The following SLC25A21 variants were observed in gnomAD, a reference collection of about 807,000 sequenced individuals.
SLC25A21 encodes solute carrier family 25 member 21, also known as mitochondrial 2-oxodicarboxylate carrier.
Under a neutral mutation model 43.8 loss-of-function variants are expected in SLC25A21, and 47 were observed. That is an observed-to-expected ratio of 1.07 (90% CI 0.85 to 1.37). The LOEUF (loss-of-function observed/expected upper bound fraction) is 1.37, where lower values mean the gene tolerates loss of function less well. SLC25A21 is among the 40% of genes most tolerant of loss of function. The pLI is 0.00. For missense variants in SLC25A21, 352 were observed against 350.2 expected (o/e 1.00, Z -0.04); for synonymous variants, 131 against 121.3 (o/e 1.08, Z -0.52).
At chr14:36,848,029 G>A (rs1376774984) in intron 2 of SLC25A21, among the ~76,000 whole-genome samples, 3 of 152,144 alleles carry the variant, frequency 2.0e-5, no homozygotes, top group South Asian at 2.1e-4. Flanking sequence ...GGGAAACCCC[G>A]AATGGCGTGG....
At chr14:37,115,136 G>C (rs552049537) in intron 1 of SLC25A21, among the ~76,000 whole-genome samples, 1 of 152,242 alleles carries the variant, frequency 6.6e-6, no homozygotes, top group African/African-American at 2.4e-5. Context: ...TTGAGACCAA[G>C]TGTCCTAGAC....
intron 1 of SLC25A21, among the ~76,000 whole-genome samples, chr14:36,941,668 A>G (rs1180037): frequency 6.6e-6 from 1 of 151,832 alleles, no homozygotes; most frequent in Non-Finnish European, 1.5e-5. Flanking sequence ...ACTTTTGTTC[A>G]CAGAATAATT....
chr14:36,949,688 T>A (rs910221720), intron 1 of SLC25A21, among the ~76,000 whole-genome samples: 1 of 152,194 alleles, frequency 6.6e-6, no homozygotes, highest in Non-Finnish European at 1.5e-5. Flanking sequence ...TGCCATGATA[T>A]CAAGTTTAAG....
intron 1 of SLC25A21, among the ~76,000 whole-genome samples, chr14:36,974,908 G>C (rs537489409): frequency 6.6e-6 from 1 of 152,288 alleles, no homozygotes; most frequent in South Asian, 2.1e-4. Context: ...TGACATTTCA[G>C]CTAGGAAATG....
intron 1 of SLC25A21, among the ~76,000 whole-genome samples, chr14:36,965,366 A>G (rs546443491): frequency 2.0e-4 from 30 of 152,292 alleles, no homozygotes; most frequent in Admixed American, 1.0e-3. Context: ...TCTCTCAATC[A>G]TATCAGTGAA....
At chr14:36,734,480 C>T in intron 4 of SLC25A21, 27 bp downstream of exon 4, 1 of 1,582,152 alleles carries the variant, frequency 6.3e-7, no homozygotes, top group South Asian at 1.2e-5. Flanking sequence ...CCTACTTTTG[C>T]TTGGTGCGAA....
intron 1 of SLC25A21, among the ~76,000 whole-genome samples, chr14:37,013,326 T>C (rs1960773782): frequency 6.6e-6 from 1 of 152,140 alleles, no homozygotes; most frequent in African/African-American, 2.4e-5. Context: ...ATTTCCTTTA[T>C]TAATAGAACA....
chr14:37,172,064 A>T, intron 1 of SLC25A21: 1 of 542,794 alleles, frequency 1.8e-6, no homozygotes. Context: ...GCCGGCGCGG[A>T]CGCCGAGGCA....
intron 1 of SLC25A21, among the ~76,000 whole-genome samples, chr14:36,947,098 T>C (rs1274685060): frequency 1.3e-5 from 2 of 152,198 alleles, no homozygotes; most frequent in Non-Finnish European, 2.9e-5. Context: ...TCTAGCCTTT[T>C]GAAACAGCCC....
chr14:36,776,863 A>C (rs1886854813), intron 3 of SLC25A21, among the ~76,000 whole-genome samples: 2 of 152,136 alleles, frequency 1.3e-5, no homozygotes, highest in South Asian at 4.1e-4. Flanking sequence ...TGTCTCAGAG[A>C]ATTAGAGATA....
At chr14:36,849,616 G>T (rs974496699) in intron 2 of SLC25A21, among the ~76,000 whole-genome samples, 2 of 152,104 alleles carry the variant, frequency 1.3e-5, no homozygotes, top group African/African-American at 4.8e-5. Context: ...GACACAAAAT[G>T]CTTAGCTAAT....
intron 1 of SLC25A21, among the ~76,000 whole-genome samples, chr14:37,001,721 A>G (rs1380220664): frequency 1.3e-5 from 2 of 152,160 alleles, no homozygotes; most frequent in Non-Finnish European, 2.9e-5. Flanking sequence ...ACTCACAAAG[A>G]GCTGACTTGG....
In SLC25A21 at chr14:36,761,182, CAGA is replaced by C. The variant is rs535143295; in HGVS notation, c.204-26612_204-26610del. Among the ~76,000 whole-genome samples, 1,198 of 152,296 alleles carry C rather than the reference CAGA, an allele frequency of 7.9e-3. 17 individuals are homozygous for C. Among genetic ancestry groups the C allele is most frequent in the African/African-American group, 0.027 (1,117 of 41,574 alleles). On this transcript the variant is annotated intron_variant, in intron 3 of 9. Coordinates refer to ENST00000331299, the MANE Select transcript of SLC25A21 (RefSeq NM_030631.4). The stretch of plus-strand genomic sequence containing the variant: ...TCACCATTCAGTTTGTGCATCCAAA[CAGA>C]AGCCTTGGAGCATTTTCTCCTGGCT...
At chr14:37,109,354 A>G (rs1424304749) in intron 1 of SLC25A21, among the ~76,000 whole-genome samples, 1 of 152,120 alleles carries the variant, frequency 6.6e-6, no homozygotes, top group East Asian at 1.9e-4. Context: ...GAGAAAAAGA[A>G]AGAATCAAGG....
At chr14:37,046,334 A>G (rs1021463509) in intron 1 of SLC25A21, among the ~76,000 whole-genome samples, 1 of 152,040 alleles carries the variant, frequency 6.6e-6, no homozygotes, top group Admixed American at 6.5e-5. Context: ...CTCTCACACA[A>G]TCATGGAGTA....
At chr14:36,908,156 C>A (rs1256799664) in intron 1 of SLC25A21, among the ~76,000 whole-genome samples, 1 of 152,068 alleles carries the variant, frequency 6.6e-6, no homozygotes, top group Non-Finnish European at 1.5e-5. Flanking sequence ...GAATACATGT[C>A]ATTATACATT....
intron 6 of SLC25A21, among the ~76,000 whole-genome samples, chr14:36,724,085 C>T (rs1884485236): frequency 6.6e-6 from 1 of 152,156 alleles, no homozygotes; most frequent in Non-Finnish European, 1.5e-5. Context: ...TTTTCCCCTC[C>T]CCCTGTTCCG....
intron 4 of SLC25A21, among the ~76,000 whole-genome samples, chr14:36,732,128 T>C (rs2139224420): frequency 6.6e-6 from 1 of 152,214 alleles, no homozygotes; most frequent in East Asian, 1.9e-4. Context: ...GATGTGGGAA[T>C]TTTCTCTCTA....
At chr14:36,739,662 G>A (rs1032033650) in intron 3 of SLC25A21, among the ~76,000 whole-genome samples, 2 of 143,542 alleles carry the variant, frequency 1.4e-5, no homozygotes, top group African/African-American at 5.3e-5. Flanking sequence ...TGGCAACAGA[G>A]CAAGACTCTG....
Sources: allele counts gnomAD v4.1 joint callset (sites outside exome capture counted in the v4.1 genomes callset), GRCh38; gene constraint gnomAD v4.1.1; transcripts MANE v1.5; gene names NCBI Gene and HGNC (gene_info 2026-07-23, HGNC 2026-07-21).